Variants in DNAJC6 observed in about 807,000 individuals in gnomAD.
DNAJC6 encodes auxilin.
A neutral mutation model predicts 110.0 loss-of-function variants in DNAJC6; 34 were observed. The ratio of observed to expected loss-of-function variants is 0.31; its 90% CI spans 0.24 to 0.41. The LOEUF (loss-of-function observed/expected upper bound fraction) is 0.41, where lower values mean the gene tolerates loss of function less well. DNAJC6 is among the 10% of genes least tolerant of loss of function. The pLI, the probability that DNAJC6 is intolerant of heterozygous loss-of-function variation, is 1.00. For missense variants in DNAJC6, 1,031 were observed against 1,207.8 expected (o/e 0.85, Z 2.17); for synonymous variants, 406 against 437.2 (o/e 0.93, Z 0.89).
At chr1:65,265,841 C>G (rs558867937) in intron 1 of DNAJC6, among the ~76,000 whole-genome samples, 2 of 152,084 alleles carry the variant, frequency 1.3e-5, no homozygotes, top group South Asian at 4.1e-4. Context: ...AGTCGCGTGC[C>G]CGTCCGGGCG....
At chr1:65,352,173 T>C (rs1194453396) in intron 1 of DNAJC6, among the ~76,000 whole-genome samples, 6 of 152,210 alleles carry the variant, frequency 3.9e-5, no homozygotes, top group Admixed American at 6.5e-5. Context: ...GTCATTTTAT[T>C]TTCCTGGTGC....
chr1:65,390,861 T>C (rs1201902825), intron 11 of DNAJC6, among the ~76,000 whole-genome samples: 1 of 152,188 alleles, frequency 6.6e-6, no homozygotes, highest in Admixed American at 6.5e-5. Flanking sequence ...TAGGTAGATT[T>C]CTTATCCCCT....
chr1:65,304,513 T>C (rs1006106740), intron 1 of DNAJC6, among the ~76,000 whole-genome samples: 3 of 152,218 alleles, frequency 2.0e-5, no homozygotes, highest in Non-Finnish European at 2.9e-5. Flanking sequence ...ATGGACATCA[T>C]TTGGAGGAGA....
intron 1 of DNAJC6, among the ~76,000 whole-genome samples, chr1:65,326,479 G>A (rs1342140219): frequency 6.6e-6 from 1 of 152,164 alleles, no homozygotes; most frequent in Non-Finnish European, 1.5e-5. Context: ...TAAAGGGATG[G>A]AGGAAAAAGC....
At chr1:65,401,977 C>T in intron 15 of DNAJC6, 97 bp downstream of exon 15, 1 of 1,510,026 alleles carries the variant, frequency 6.6e-7, no homozygotes, top group Middle Eastern at 1.8e-4. Context: ...GGTATTGTCA[C>T]CTGGAACCTC....
intron 4 of DNAJC6, among the ~76,000 whole-genome samples, chr1:65,366,540 A>G (rs1557544482): frequency 6.6e-6 from 1 of 152,202 alleles, no homozygotes; most frequent in African/African-American, 2.4e-5. Context: ...TGTTACACTA[A>G]TTATGCCGTT....
At chr1:65,304,926 C>G, upstream of DNAJC6, among the ~76,000 whole-genome samples, 1 of 152,104 alleles carries the variant, frequency 6.6e-6, no homozygotes, top group East Asian at 1.9e-4. Context: ...AGTACAGGAC[C>G]GACAAAACAC....
chr1:65,317,569 T>C, intron 1 of DNAJC6, among the ~76,000 whole-genome samples: 1 of 152,202 alleles, frequency 6.6e-6, no homozygotes, highest in East Asian at 1.9e-4. Flanking sequence ...AGCGCAAATG[T>C]CACCACCAAG....
intron 17 of DNAJC6, 40 bp from the exon 18 acceptor site, chr1:65,411,210 A>G: frequency 6.3e-7 from 1 of 1,589,588 alleles, no homozygotes; most frequent in South Asian, 1.1e-5. Context: ...TGAACTAGTA[A>G]GTAAGCATTT....
At chr1:65,377,985 G>A (rs1645782293) in intron 4 of DNAJC6, among the ~76,000 whole-genome samples, 1 of 152,048 alleles carries the variant, frequency 6.6e-6, no homozygotes, top group East Asian at 1.9e-4. Flanking sequence ...GTTCAGGCTT[G>A]ACTCTTTCCT....
chr1:65,386,702 G>A, intron 7 of DNAJC6, 110 bp from the exon 8 acceptor site: 2 of 914,466 alleles, frequency 2.2e-6, no homozygotes, highest in Non-Finnish European at 1.7e-6. Flanking sequence ...CTGGGTCCGG[G>A]CCTGGGCGAA....
upstream of DNAJC6, among the ~76,000 whole-genome samples, chr1:65,307,706 A>G (rs1209605512): frequency 6.6e-6 from 1 of 152,152 alleles, no homozygotes; most frequent in African/African-American, 2.4e-5. Flanking sequence ...ATTATTTAAG[A>G]TGTTATGGGA....
At chr1:65,315,859 T>C (rs1214738720) in intron 1 of DNAJC6, among the ~76,000 whole-genome samples, 2 of 152,198 alleles carry the variant, frequency 1.3e-5, no homozygotes, top group Admixed American at 1.3e-4. Flanking sequence ...GTGGTGAATT[T>C]TTTTATTTGC....
chr1:65,302,986 C>T (rs1645003690), intron 1 of DNAJC6, among the ~76,000 whole-genome samples: 2 of 152,166 alleles, frequency 1.3e-5, no homozygotes, highest in Non-Finnish European at 2.9e-5. Flanking sequence ...GTGAATTACC[C>T]AGTCTCCTGT....
At chr1:65,310,002 C>T in intron 1 of DNAJC6, 64 bp downstream of exon 1, 1 of 1,378,270 alleles carries the variant, frequency 7.3e-7, no homozygotes, top group Non-Finnish European at 9.3e-7. Flanking sequence ...TCCCAGTCGC[C>T]CGGCCCGAGG....
intron 1 of DNAJC6, among the ~76,000 whole-genome samples, chr1:65,275,253 G>A (rs961083286): frequency 6.6e-6 from 1 of 151,950 alleles, no homozygotes; most frequent in African/African-American, 2.4e-5. Context: ...AGGATTTCTT[G>A]TAGTGCATAT....
chr1:65,392,219 C>A (rs962568713), intron 11 of DNAJC6, among the ~76,000 whole-genome samples: 169 of 152,274 alleles, frequency 1.1e-3, no homozygotes, highest in African/African-American at 3.8e-3. Flanking sequence ...CTGCTCCTTA[C>A]CCCTATGCTC....
At chr1:65,397,802 A>G (rs1184718536) in intron 13 of DNAJC6, among the ~76,000 whole-genome samples, 1 of 152,228 alleles carries the variant, frequency 6.6e-6, no homozygotes, top group Non-Finnish European at 1.5e-5. Context: ...TGATAATGGC[A>G]TATCCTTTTT....
intron 1 of DNAJC6, among the ~76,000 whole-genome samples, chr1:65,281,351 A>G (rs1335525097): frequency 6.6e-6 from 1 of 152,180 alleles, no homozygotes. Flanking sequence ...GTATATTCAT[A>G]AGGTTGTACA....
Sources: allele counts gnomAD v4.1 joint callset (sites outside exome capture counted in the v4.1 genomes callset), GRCh38; gene constraint gnomAD v4.1.1; transcripts MANE v1.5; gene names NCBI Gene and HGNC (gene_info 2026-07-23, HGNC 2026-07-21).